The following OLFM1 variants were observed in gnomAD, a reference collection of about 807,000 sequenced individuals.
OLFM1 encodes noelin.
A neutral mutation model predicts 49.7 loss-of-function variants in OLFM1; 9 were observed. The ratio of observed to expected loss-of-function variants is 0.18; its 90% CI spans 0.11 to 0.32. The LOEUF is 0.32. Ranked by LOEUF, OLFM1 falls within the 10% of genes least tolerant of loss-of-function variation. OLFM1 has a pLI of 1.00. For missense variants in OLFM1, 369 were observed against 661.8 expected, an observed-to-expected ratio of 0.56 and a Z score of 4.85; for synonymous variants, 240 against 271.8, an observed-to-expected ratio of 0.88 and a Z score of 1.15.
chr9:135,085,870 G>A (rs1830589549), upstream of OLFM1, among the ~76,000 whole-genome samples: 1 of 152,242 alleles, frequency 6.6e-6, no homozygotes, highest in Non-Finnish European at 1.5e-5. Context: ...GGACAGTTTG[G>A]AGCAGGTGCA....
chr9:135,102,047 C>T (rs1011048406), intron 4 of OLFM1, among the ~76,000 whole-genome samples: 1 of 152,212 alleles, frequency 6.6e-6, no homozygotes, highest in Non-Finnish European at 1.5e-5. Context: ...CACTGGAACG[C>T]GTCTTAACAA....
At chr9:135,090,386 TTGTG>T (rs10633472) in intron 2 of OLFM1, 42 bp downstream of exon 2, 41 of 1,202,672 alleles carry the variant, frequency 3.4e-5, no homozygotes, top group South Asian at 1.0e-4. Context: ...GTGTGTGTGT[TTGTG>T]TGTGTGTGTG....
intron 4 of OLFM1, among the ~76,000 whole-genome samples, chr9:135,099,043 G>C (rs1373258119): frequency 1.3e-5 from 2 of 152,218 alleles, no homozygotes; most frequent in African/African-American, 4.8e-5. Context: ...TTCCTCGGGT[G>C]TGTTTCCTAA....
chr9:135,106,765 G>C lies in OLFM1; in HGVS notation c.693G>C (p.Thr231=), dbSNP rs1349033601. 1.9e-6 allele frequency: 3 copies of C among 1,613,528 alleles called. No individual in the cohort carries two copies. Among genetic ancestry groups the C allele is most frequent in the South Asian group, 1.1e-5 (1 of 91,030 alleles). ...CTTTTCCAGCTTGCGGGAAGTTGAC[G>C]GGCATCAGTGACCCCGTGACTGTCA... The part of the protein sequence containing the change: ...CMQKLACGKL[T]GISDPVTVKT... Residue 231 remains threonine, a synonymous_variant, in exon 5 of 6, where the codon ACG becomes ACC. Transcript: ENST00000371793.
chr9:135,076,474 A>G, intron 1 of OLFM1: 1 of 1,392,624 alleles, frequency 7.2e-7, no homozygotes, highest in South Asian at 1.5e-5. Flanking sequence ...ACAATGTATC[A>G]ATAGAGAAAG....
intron 2 of OLFM1, 49 bp downstream of exon 2, chr9:135,090,393 T>A (rs757450948): frequency 6.4e-7 from 1 of 1,564,572 alleles, no homozygotes; most frequent in African/African-American, 1.3e-5. Flanking sequence ...TGTTTGTGTG[T>A]GTGTGTGTGT....
chr9:135,114,489 A>AT (rs1190242549), intron 5 of OLFM1, among the ~76,000 whole-genome samples: 1 of 151,998 alleles, frequency 6.6e-6, no homozygotes, highest in East Asian at 1.9e-4. Flanking sequence ...ATGTGGACCT[A>AT]TCTTCTGGGG....
chr9:135,109,633 G>A (rs1564278300), intron 5 of OLFM1, among the ~76,000 whole-genome samples: 2 of 152,052 alleles, frequency 1.3e-5, no homozygotes, highest in Non-Finnish European at 2.9e-5. Context: ...ATTGATCTAG[G>A]CCAGCCGTGG....
intron 2 of OLFM1, among the ~76,000 whole-genome samples, chr9:135,091,132 G>A (rs1032681351): frequency 1.3e-5 from 2 of 152,180 alleles, no homozygotes; most frequent in African/African-American, 2.4e-5. Flanking sequence ...CCACATGGCC[G>A]AGCTCATCAC....
chr9:135,118,386 C>T (rs535605939), intron 5 of OLFM1, among the ~76,000 whole-genome samples: 11 of 147,582 alleles, frequency 7.5e-5, no homozygotes, highest in South Asian at 2.2e-4. Flanking sequence ...TTGGAGTGCT[C>T]GCTGGGTCTT....
In OLFM1 at chr9:135,087,715, G is replaced by A; in HGVS notation, c.-275G>A. 3 of 387,544 alleles carry A rather than the reference G, an allele frequency of 7.7e-6. No individual in the cohort carries two copies. The highest frequency in any genetic ancestry group is 1.4e-4 in the East Asian group (1 of 7,272). 24.0% of individuals were successfully genotyped at this position (387,544 alleles called of 1,614,324 possible). On this transcript the variant is annotated 5_prime_UTR_variant, in exon 1 of 6. Transcript: ENST00000371793. ...TGGCGGCGGAGGAGCCCGGAGGGAC[G>A]CAGCCGGGCAAGGCAGGGCGCAGGG... is the stretch of plus-strand genomic sequence containing the variant.
At chr9:135,106,040 C>T (rs1395217775) in intron 4 of OLFM1, 1 of 152,560 alleles carries the variant, frequency 6.6e-6, no homozygotes, top group Non-Finnish European at 1.5e-5. Flanking sequence ...TGTGTCCCTC[C>T]TCACCTCCAT....
chr9:135,118,081 C>A (rs1363791580), intron 5 of OLFM1, among the ~76,000 whole-genome samples: 1 of 152,246 alleles, frequency 6.6e-6, no homozygotes, highest in Non-Finnish European at 1.5e-5. Flanking sequence ...GTCGTGACTA[C>A]TGTTTCCTGG....
Position 135,087,720 on chromosome 9 carries a change from C to T in OLFM1, c.-270C>T, listed in dbSNP as rs1830617909. The T allele has an allele frequency of 2.5e-6, 1 of 393,152 alleles. No homozygotes were observed. The highest frequency in any genetic ancestry group is 3.5e-6 in the Non-Finnish European group (1 of 286,342). The allele number at this position is 393,152 out of a possible 1,614,324, so 24.4% of individuals were successfully genotyped here. ...GCGGAGGAGCCCGGAGGGACGCAGC[C>T]GGGCAAGGCAGGGCGCAGGGCGGGC... On this transcript the variant is annotated 5_prime_UTR_variant, in exon 1 of 6. Coordinates refer to ENST00000371793, the MANE Select transcript of OLFM1 (RefSeq NM_001282611.2).
rs138683501 is a variant in OLFM1, at chr9:135,091,897, T to TCTCA, written c.300+1554_300+1555insTCAC. 2.5e-3 allele frequency among the ~76,000 whole-genome samples: 367 copies of TCTCA among 147,222 alleles called. 3 individuals carry two copies. Among genetic ancestry groups the TCTCA allele is most frequent in the Non-Finnish European group, 2.7e-3 (180 of 66,558 alleles). On this transcript the variant is annotated intron_variant, in intron 2 of 5. Coordinates refer to ENST00000371793, the MANE Select transcript of OLFM1 (RefSeq NM_001282611.2). ...CAGTCACACACACACTCACACATAG[T>TCTCA]CACACACACACACACATAGTCACAC...
In OLFM1 at chr9:135,088,117, G is replaced by C; in HGVS notation, c.128G>C (p.Gly43Ala). The change falls in exon 1 of 6, where the codon GGG (glycine) becomes GCG (alanine). Residue 43 changes from glycine to alanine, a missense_variant. By Grantham distance (60) the Gly-to-Ala change is moderately conservative. This residue lies in a region of OLFM1 where 55 missense variants were observed against 53.3 expected (regional missense o/e 1.03). Transcript: ENST00000371793. The surrounding 1 kb of genome is among the most constrained non-coding windows in gnomAD (Gnocchi z 4.8). ...ACCAAGCTCTCGGCGGCCGGCGGCG[G>C]GACGCTGGACCGCAGCACCGGCGTA... ...NTTKLSAAGG[G>A]TLDRSTGVLP... The C allele has an allele frequency of 7.1e-7, 1 of 1,402,498 alleles. No individual in the cohort carries two copies. 86.9% of individuals were successfully genotyped at this position (1,402,498 alleles called of 1,614,324 possible).
chr9:135,098,077 T>C lies in OLFM1; in HGVS notation c.457-209T>C. ...CATGTAACCTTAAGATGTTGCATTC[T>C]AAACTGACAATAAAGACCTTTCCCA... On this transcript the variant is annotated intron_variant, in intron 3 of 5. Transcript: ENST00000371793. The surrounding 1 kb of genome is among the most constrained non-coding windows in gnomAD (Gnocchi z 5.6). 1 of 1,431,262 alleles carries C rather than the reference T, an allele frequency of 7.0e-7. No individual in the cohort carries two copies. Among genetic ancestry groups the C allele is most frequent in the Non-Finnish European group, 9.1e-7 (1 of 1,100,160 alleles). The allele number at this position is 1,431,262 out of a possible 1,614,324, so 88.7% of individuals were successfully genotyped here. A position where few individuals can be genotyped will look rare whatever the true frequency, so the allele number is the denominator to read the frequency against.
intron 1 of OLFM1, among the ~76,000 whole-genome samples, chr9:135,082,067 G>A (rs1830540057): frequency 1.3e-5 from 2 of 152,342 alleles, no homozygotes; most frequent in Admixed American, 1.3e-4. Context: ...AGCTGGTGAT[G>A]GCAGCTGCAG....
rs3180564 is a variant in OLFM1, at chr9:135,119,926, C to G, written c.1206C>G (p.Ala402=). 7 of 1,613,532 alleles carry G rather than the reference C, an allele frequency of 4.3e-6. No individual in the cohort carries two copies. In the Admixed American group the frequency reaches 1.0e-4, roughly 23 times the overall value. Residue 402 remains alanine, a synonymous_variant, in exon 6 of 6, where the codon GCC becomes GCG. Coordinates refer to ENST00000371793, the MANE Select transcript of OLFM1 (RefSeq NM_001282611.2). The stretch of plus-strand genomic sequence containing the variant: ...ACACGAGCTACCCCAAGCGCAGCGC[C>G]GGGGAGGCCTTCATCATCTGCGGCA... The part of the protein sequence containing the change: ...TWNTSYPKRS[A]GEAFIICGTL...
Sources: allele counts gnomAD v4.1 joint callset (sites outside exome capture counted in the v4.1 genomes callset), GRCh38; gene constraint gnomAD v4.1.1; regional missense constraint gnomAD v4.1.1; non-coding constraint Gnocchi (gnomAD v3.1); transcripts MANE v1.5; gene names NCBI Gene and HGNC (gene_info 2026-07-23, HGNC 2026-07-21).